The following ENTREP1 variants were observed in gnomAD, a reference collection of about 807,000 sequenced individuals.
The protein encoded by ENTREP1 is Friedreich ataxia region gene X123.
At chr9:69,324,879 C>G in the ENTREP1 span, 5 of 985,212 alleles carry the variant, frequency 5.1e-6, no homozygotes, top group Admixed American at 1.2e-4. Context: ...GACGCTGAGA[C>G]TCTCGGTGGC....
chr9:69,328,258 T>C, the ENTREP1 span, among the ~76,000 whole-genome samples: 50 of 152,298 alleles, frequency 3.3e-4, no homozygotes, highest in African/African-American at 1.2e-3. Flanking sequence ...GAGATTAAAT[T>C]CTCTTATTGT....
the ENTREP1 span, among the ~76,000 whole-genome samples, chr9:69,334,823 C>T: frequency 2.8e-5 from 4 of 144,556 alleles, no homozygotes; most frequent in Non-Finnish European, 6.0e-5. Context: ...ATCGCCCAGG[C>T]TGGAGTGCAG....
the ENTREP1 span, chr9:69,383,483 T>C: frequency 6.6e-7 from 1 of 1,504,164 alleles, no homozygotes; most frequent in Non-Finnish European, 8.9e-7. Context: ...GCTTCTATTA[T>C]TCTCCCTCTC....
the ENTREP1 span, among the ~76,000 whole-genome samples, chr9:69,360,772 G>GTT: frequency 6.6e-6 from 1 of 151,928 alleles, no homozygotes; most frequent in Non-Finnish European, 1.5e-5. Flanking sequence ...ATGGATCCCT[G>GTT]TTTCCTGGAT....
the ENTREP1 span, chr9:69,329,299 C>T: frequency 3.2e-6 from 3 of 932,124 alleles, no homozygotes; most frequent in Non-Finnish European, 3.8e-6. Context: ...GTATTTGATA[C>T]AAAATTAGGT....
chr9:69,328,071 C>T, the ENTREP1 span, among the ~76,000 whole-genome samples: 7 of 152,266 alleles, frequency 4.6e-5, no homozygotes, highest in South Asian at 1.5e-3. Context: ...GAAAAGTTTA[C>T]ATTTATGCAG....
the ENTREP1 span, among the ~76,000 whole-genome samples, chr9:69,330,262 T>C: frequency 1.3e-5 from 2 of 152,158 alleles, no homozygotes; most frequent in African/African-American, 2.4e-5. Flanking sequence ...GAGAGTTGCA[T>C]TGGGTTGTCT....
the ENTREP1 span, among the ~76,000 whole-genome samples, chr9:69,385,070 G>A: frequency 5.3e-5 from 8 of 151,880 alleles, no homozygotes; most frequent in Non-Finnish European, 1.0e-4. Context: ...TACAGGCACC[G>A]CCACCATGCC....
At chr9:69,388,870 G>A in the ENTREP1 span, among the ~76,000 whole-genome samples, 3 of 152,066 alleles carry the variant, frequency 2.0e-5, no homozygotes, top group Middle Eastern at 0.01. Context: ...ATTCTAAGAG[G>A]CTGTTCACAT....
the ENTREP1 span, among the ~76,000 whole-genome samples, chr9:69,366,424 T>G: frequency 6.7e-6 from 1 of 149,616 alleles, no homozygotes; most frequent in Non-Finnish European, 1.5e-5. Flanking sequence ...TTGAGTTTCT[T>G]GTATATTCCG....
chr9:69,340,765 G>GTGTGTGTA, the ENTREP1 span, among the ~76,000 whole-genome samples: 1,463 of 121,920 alleles, frequency 0.012, 42 homozygotes, highest in African/African-American at 0.032. Context: ...GTGCGTGCAT[G>GTGTGTGTA]TGTGTGTGTG....
At chr9:69,357,095 C>CAAAA in the ENTREP1 span, among the ~76,000 whole-genome samples, 9 of 88,948 alleles carry the variant, frequency 1.0e-4, no homozygotes, top group Non-Finnish European at 1.6e-4. Context: ...ACCATCTCTA[C>CAAAA]AAAAAAAAAA....
At chr9:69,336,285 A>G in the ENTREP1 span, 1 of 1,530,532 alleles carries the variant, frequency 6.5e-7, no homozygotes, top group South Asian at 1.2e-5. Flanking sequence ...TACTGATCTT[A>G]TAAATTGCTA....
the ENTREP1 span, among the ~76,000 whole-genome samples, chr9:69,335,933 A>G: frequency 2.5e-5 from 2 of 80,246 alleles, no homozygotes; most frequent in Admixed American, 2.6e-4. Flanking sequence ...GCAGTGAGGC[A>G]TGATCGTGCT....
At chr9:69,381,287 C>T in the ENTREP1 span, 1 of 152,188 alleles carries the variant, frequency 6.6e-6, no homozygotes, top group African/African-American at 2.4e-5. Context: ...CATTCACCTT[C>T]GTTGTCATGT....
the ENTREP1 span, among the ~76,000 whole-genome samples, chr9:69,348,288 A>T: frequency 6.6e-6 from 1 of 151,682 alleles, no homozygotes; most frequent in Non-Finnish European, 1.5e-5. Context: ...AATTTTTTTT[A>T]ATTTAATTTT....
chr9:69,324,643 T>C, the ENTREP1 span: 2 of 985,480 alleles, frequency 2.0e-6, no homozygotes, highest in Non-Finnish European at 2.4e-6. Flanking sequence ...AGGCACGTCC[T>C]GCGCCCTGTG....
chr9:69,336,041 A>G, the ENTREP1 span, among the ~76,000 whole-genome samples: 1 of 152,236 alleles, frequency 6.6e-6, no homozygotes, highest in Non-Finnish European at 1.5e-5. Context: ...CCTAGAAGTA[A>G]AAGTCCAAAG....
the ENTREP1 span, among the ~76,000 whole-genome samples, chr9:69,337,937 A>G: frequency 6.6e-6 from 1 of 152,204 alleles, no homozygotes; most frequent in African/African-American, 2.4e-5. Context: ...AATCAATACA[A>G]AACTCCTTAA....
Sources: gnomAD v4.1 joint callset for allele counts (sites outside exome capture counted in the v4.1 genomes callset) on GRCh38, gnomAD v4.1.1 for gene constraint, MANE v1.5 for transcripts, NCBI Gene and HGNC (gene_info 2026-07-23, HGNC 2026-07-21) for gene names.